The following ECHDC1 variants were observed in gnomAD, a reference collection of about 807,000 sequenced individuals.
ECHDC1 encodes the protein ethylmalonyl-CoA decarboxylase 1.
ECHDC1 carries 29 observed loss-of-function variants against 29.7 expected under a neutral mutation model. That is an observed-to-expected ratio of 0.98 (90% CI 0.73 to 1.33). The LOEUF is 1.33. Ranked by LOEUF, ECHDC1 falls within the 40% of genes most tolerant of loss-of-function variation. ECHDC1 has a pLI of 0.00. For missense variants in ECHDC1, 328 were observed against 350.0 expected, an observed-to-expected ratio of 0.94 and a Z score of 0.50; for synonymous variants, 126 against 123.1, an observed-to-expected ratio of 1.02 and a Z score of -0.15.
chr6:127,331,910 T>C (rs1783992109), intron 1 of ECHDC1: 6 of 982,294 alleles, frequency 6.1e-6, no homozygotes, highest in Non-Finnish European at 6.0e-6. Context: ...TGTGTGGTTT[T>C]TCTGTTCCCC....
At chr6:127,342,933 C>A (rs996474382) in intron 1 of ECHDC1, 3 of 152,362 alleles carry the variant, frequency 2.0e-5, no homozygotes, top group Non-Finnish European at 4.4e-5. Flanking sequence ...ACAACTTATA[C>A]ATAAAAGACA....
At chr6:127,325,516 C>G (rs988081777) in intron 3 of ECHDC1, among the ~76,000 whole-genome samples, 1 of 152,096 alleles carries the variant, frequency 6.6e-6, no homozygotes, top group African/African-American at 2.4e-5. Context: ...TAAGTATACA[C>G]CCATTAAACC....
At chr6:127,337,424 A>C (rs1364318076) in intron 1 of ECHDC1, among the ~76,000 whole-genome samples, 1 of 152,244 alleles carries the variant, frequency 6.6e-6, no homozygotes, top group Non-Finnish European at 1.5e-5. Flanking sequence ...TATGGATCCC[A>C]GGTCTTTAGA....
chr6:127,318,141 T>G (rs928974609), intron 3 of ECHDC1, among the ~76,000 whole-genome samples: 1 of 152,230 alleles, frequency 6.6e-6, no homozygotes, highest in East Asian at 1.9e-4. Flanking sequence ...TTATCAACTT[T>G]ATTGATTACC....
intron 1 of ECHDC1, among the ~76,000 whole-genome samples, chr6:127,333,790 G>T (rs1481405470): frequency 6.7e-6 from 1 of 150,190 alleles, no homozygotes; most frequent in Non-Finnish European, 1.5e-5. Context: ...TTTTAAAATA[G>T]CTGTACAAAT....
chr6:127,339,161 C>A (rs1054063781), intron 1 of ECHDC1, among the ~76,000 whole-genome samples: 3 of 151,674 alleles, frequency 2.0e-5, no homozygotes, highest in Admixed American at 6.6e-5. Flanking sequence ...ACAATAATTA[C>A]AGCCTATAGA....
chr6:127,324,763 T>C (rs1007891087), intron 3 of ECHDC1, among the ~76,000 whole-genome samples: 1 of 152,182 alleles, frequency 6.6e-6, no homozygotes, highest in Non-Finnish European at 1.5e-5. Context: ...GTCTTTGGGC[T>C]TCCAATGGCC....
intron 1 of ECHDC1, among the ~76,000 whole-genome samples, chr6:127,333,960 T>C (rs1784202230): frequency 6.6e-6 from 1 of 152,214 alleles, no homozygotes; most frequent in Admixed American, 6.5e-5. Context: ...CTTATGCTTA[T>C]TGGTCATTTG....
chr6:127,319,237 A>G (rs1224432666), intron 3 of ECHDC1, among the ~76,000 whole-genome samples: 1 of 152,318 alleles, frequency 6.6e-6, no homozygotes, highest in Non-Finnish European at 1.5e-5. Flanking sequence ...GGGCTCTAGC[A>G]CTTTCTAATT....
intron 1 of ECHDC1, chr6:127,342,324 C>T: frequency 2.0e-6 from 3 of 1,537,796 alleles, no homozygotes; most frequent in Non-Finnish European, 2.6e-6. Flanking sequence ...ATCAACTCTC[C>T]AACTACCCTG....
rs1040748469 is a variant in ECHDC1 at position 127,329,924 on chromosome 6, A to G, written c.220+885T>C. 58 of 453,274 alleles carry G rather than the reference A, an allele frequency of 1.3e-4. No homozygotes were observed. The Admixed American group carries it at 1.4e-3, about 11-fold the overall frequency. 28.1% of individuals were successfully genotyped at this position (453,274 alleles called of 1,614,324 possible). On this transcript the variant is annotated intron_variant, in intron 2 of 5. Transcript: ENST00000454859. ...AAAGTCATCTTGGGTTTAAAGACTC[A>G]CCACTGGTAATTTACAAAGGGTTTA...
chr6:127,332,774 G>C (rs1039515657), intron 1 of ECHDC1, among the ~76,000 whole-genome samples: 3 of 152,086 alleles, frequency 2.0e-5, no homozygotes, highest in African/African-American at 7.2e-5. Flanking sequence ...GTTAGCAGAG[G>C]GATGACTTGC....
chr6:127,302,181 C>T (rs1275100380), intron 5 of ECHDC1, among the ~76,000 whole-genome samples: 5 of 152,154 alleles, frequency 3.3e-5, no homozygotes, highest in Non-Finnish European at 7.3e-5. Flanking sequence ...ATTTTTCCTG[C>T]TATTGTGCTT....
intron 5 of ECHDC1, 119 bp downstream of exon 5, chr6:127,314,697 C>T: frequency 2.8e-6 from 2 of 716,508 alleles, no homozygotes; most frequent in Non-Finnish European, 4.4e-6. Context: ...AGAAAACATT[C>T]AGAAAAGAAA....
chr6:127,324,484 T>C (rs1482865808), intron 3 of ECHDC1, among the ~76,000 whole-genome samples: 1 of 152,202 alleles, frequency 6.6e-6, no homozygotes, highest in East Asian at 1.9e-4. Context: ...TATCCTATTT[T>C]AGTCACAGGT....
At chr6:127,327,174 A>G (rs769561648) in intron 2 of ECHDC1, 30 bp from the exon 3 acceptor site, 377 of 1,609,412 alleles carry the variant, frequency 2.3e-4, no homozygotes, top group Non-Finnish European at 3.0e-4. Flanking sequence ...GAAATCACAA[A>G]TATATGAAGG....
chr6:127,329,126 C>A (rs1035651306), intron 2 of ECHDC1, among the ~76,000 whole-genome samples: 1 of 151,322 alleles, frequency 6.6e-6, no homozygotes, highest in African/African-American at 2.4e-5. Flanking sequence ...TTTTTTAAAC[C>A]TTTCCTATGA....
intron 3 of ECHDC1, among the ~76,000 whole-genome samples, chr6:127,317,652 G>C (rs1782500544): frequency 6.6e-6 from 1 of 152,156 alleles, no homozygotes; most frequent in Admixed American, 6.5e-5. Flanking sequence ...AGTGGAAAAA[G>C]TTAGTGTAAG....
intron 2 of ECHDC1, among the ~76,000 whole-genome samples, chr6:127,328,410 T>A (rs1783563178): frequency 6.6e-6 from 1 of 152,242 alleles, no homozygotes; most frequent in African/African-American, 2.4e-5. Context: ...AATAGGTTTG[T>A]AGCCTAGGAG....
Sources: allele counts gnomAD v4.1 joint callset (sites outside exome capture counted in the v4.1 genomes callset), GRCh38; gene constraint gnomAD v4.1.1; transcripts MANE v1.5; gene names NCBI Gene and HGNC (gene_info 2026-07-23, HGNC 2026-07-21).